The following COG5 variants were observed in gnomAD, a reference collection of about 807,000 sequenced individuals.
COG5 encodes conserved oligomeric Golgi complex subunit 5.
In COG5, 86 loss-of-function variants were observed where a neutral mutation model predicts 110.4. That is an observed-to-expected ratio of 0.78 (90% CI 0.65 to 0.93). The LOEUF is 0.93. Ranked by LOEUF, COG5 falls within the 40% of genes least tolerant of loss-of-function variation. COG5 has a pLI of 0.00. For synonymous variants in COG5, 360 were observed against 334.6 expected, an observed-to-expected ratio of 1.08 and a Z score of -0.83; for missense variants, 1,077 against 987.0, an observed-to-expected ratio of 1.09 and a Z score of -1.22.
At chr7:107,553,172 C>T (rs749069809) in intron 3 of COG5, among the ~76,000 whole-genome samples, 1 of 152,048 alleles carries the variant, frequency 6.6e-6, no homozygotes, top group African/African-American at 2.4e-5. Context: ...ATCATTTGTA[C>T]CCCAAACCTC....
intron 16 of COG5, among the ~76,000 whole-genome samples, chr7:107,251,515 T>C (rs1481342755): frequency 6.6e-6 from 1 of 152,160 alleles, no homozygotes; most frequent in Non-Finnish European, 1.5e-5. Context: ...GGTAAAACCA[T>C]CAACATTTAA....
intron 7 of COG5, among the ~76,000 whole-genome samples, chr7:107,399,493 C>T (rs1002753119): frequency 4.6e-5 from 7 of 151,952 alleles, no homozygotes; most frequent in Non-Finnish European, 1.0e-4. Flanking sequence ...GGCTCTTTCC[C>T]CTTAGCTCCA....
At chr7:107,533,260 T>G (rs1001246367) in intron 5 of COG5, among the ~76,000 whole-genome samples, 1 of 151,404 alleles carries the variant, frequency 6.6e-6, no homozygotes. Context: ...ATACCTCTTC[T>G]CCTCCAAAGG....
intron 6 of COG5, among the ~76,000 whole-genome samples, chr7:107,480,090 G>C (rs1249433055): frequency 6.6e-6 from 1 of 152,028 alleles, no homozygotes; most frequent in Non-Finnish European, 1.5e-5. Context: ...AAGGATAATA[G>C]TAATGAAAGG....
intron 6 of COG5, among the ~76,000 whole-genome samples, chr7:107,433,164 C>T (rs745952167): frequency 6.6e-6 from 1 of 152,042 alleles, no homozygotes; most frequent in Non-Finnish European, 1.5e-5. Context: ...CTGAACACTA[C>T]AAAGTATGGC....
intron 6 of COG5, among the ~76,000 whole-genome samples, chr7:107,430,406 AGTTT>A (rs1793942493): frequency 6.6e-6 from 1 of 152,202 alleles, no homozygotes; most frequent in African/African-American, 2.4e-5. Context: ...TAAATGTCAG[AGTTT>A]ATTTCTGGAC....
At chr7:107,215,707 C>T (rs1799477251) in intron 19 of COG5, among the ~76,000 whole-genome samples, 1 of 150,930 alleles carries the variant, frequency 6.6e-6, no homozygotes, top group Non-Finnish European at 1.5e-5. Flanking sequence ...GTGCTGCCTA[C>T]AAAAGAGTCA....
intron 6 of COG5, among the ~76,000 whole-genome samples, chr7:107,507,924 G>A (rs1278187264): frequency 6.6e-6 from 1 of 152,184 alleles, no homozygotes; most frequent in Non-Finnish European, 1.5e-5. Flanking sequence ...AGCTAAGATG[G>A]CTGAACAGGA....
At chr7:107,515,606 A>G (rs943102840) in intron 6 of COG5, among the ~76,000 whole-genome samples, 5 of 152,222 alleles carry the variant, frequency 3.3e-5, no homozygotes, top group Admixed American at 6.5e-5. Context: ...TCAAAAGCAG[A>G]GTATCCATCG....
intron 10 of COG5, among the ~76,000 whole-genome samples, chr7:107,343,587 T>C (rs1400770990): frequency 6.6e-6 from 1 of 151,920 alleles, no homozygotes; most frequent in Non-Finnish European, 1.5e-5. Flanking sequence ...AAGCCGAGGC[T>C]AGAGGATCAG....
At chr7:107,223,147 A>C (rs1056002696) in intron 19 of COG5, among the ~76,000 whole-genome samples, 4 of 152,196 alleles carry the variant, frequency 2.6e-5, no homozygotes, top group Admixed American at 2.0e-4. Flanking sequence ...AAGACCACTA[A>C]GTATGCGTAC....
intron 14 of COG5, among the ~76,000 whole-genome samples, chr7:107,267,413 A>C (rs1467222568): frequency 6.6e-6 from 1 of 152,192 alleles, no homozygotes; most frequent in Non-Finnish European, 1.5e-5. Flanking sequence ...TCTACCCATG[A>C]CCTAAACACT....
chr7:107,416,558 CTT>C (rs1792862276), intron 6 of COG5, among the ~76,000 whole-genome samples: 1 of 152,094 alleles, frequency 6.6e-6, no homozygotes, highest in African/African-American at 2.4e-5. Flanking sequence ...AGTATTATAA[CTT>C]ATATATGTTA....
intron 16 of COG5, 23 bp from the exon 17 acceptor site, chr7:107,248,522 A>G (rs773367174): frequency 1.7e-5 from 25 of 1,509,016 alleles, no homozygotes; most frequent in Non-Finnish European, 9.1e-7. Flanking sequence ...AAGAAAGAAA[A>G]AAAAGAAGAG....
At chr7:107,375,696 G>C (rs1002105295) in intron 7 of COG5, among the ~76,000 whole-genome samples, 3 of 151,350 alleles carry the variant, frequency 2.0e-5, no homozygotes, top group African/African-American at 7.3e-5. Context: ...GTTGTTTTTT[G>C]TCATTTACAT....
At chr7:107,425,674 T>G (rs1167289488) in intron 6 of COG5, among the ~76,000 whole-genome samples, 1 of 152,174 alleles carries the variant, frequency 6.6e-6, no homozygotes, top group Admixed American at 6.5e-5. Flanking sequence ...CTCTCTAATC[T>G]ACACATTACA....
intron 1 of COG5, among the ~76,000 whole-genome samples, chr7:107,558,415 T>C (rs1803491385): frequency 6.8e-6 from 1 of 146,388 alleles, no homozygotes; most frequent in South Asian, 2.2e-4. Context: ...CTGGCCAACA[T>C]GGTGAAACCT....
chr7:107,210,275 G>C (rs1799068076), intron 21 of COG5: 1 of 1,387,160 alleles, frequency 7.2e-7, no homozygotes, highest in East Asian at 2.6e-5. Flanking sequence ...TGGTCCTTAG[G>C]GTTGCATGGG....
At chr7:107,538,804 C>T (rs1178340642) in intron 5 of COG5, among the ~76,000 whole-genome samples, 1 of 149,240 alleles carries the variant, frequency 6.7e-6, no homozygotes, top group Non-Finnish European at 1.5e-5. Context: ...TTGTTCTTAG[C>T]AGTCTACTCA....
Sources: allele counts gnomAD v4.1 joint callset (sites outside exome capture counted in the v4.1 genomes callset), GRCh38; gene constraint gnomAD v4.1.1; transcripts MANE v1.5; gene names NCBI Gene and HGNC (gene_info 2026-07-23, HGNC 2026-07-21).